COLGALT2: variants seen among roughly 807,000 people sequenced by gnomAD.
COLGALT2 encodes the protein procollagen galactosyltransferase 2.
COLGALT2 carries 49 observed loss-of-function variants against 73.4 expected under a neutral mutation model. That is an observed-to-expected ratio of 0.67 (90% CI 0.53 to 0.85). The LOEUF (loss-of-function observed/expected upper bound fraction) is 0.85, where lower values mean the gene tolerates loss of function less well. COLGALT2 is among the 40% of genes least tolerant of loss of function. The pLI is 0.00. For missense variants in COLGALT2, 722 were observed against 790.2 expected (o/e 0.91, Z 1.03); for synonymous variants, 295 against 307.6 (o/e 0.96, Z 0.43).
At chr1:183,949,346 A>G (rs1242079755) in intron 8 of COLGALT2, among the ~76,000 whole-genome samples, 2 of 152,242 alleles carry the variant, frequency 1.3e-5, no homozygotes, top group Non-Finnish European at 1.5e-5. Context: ...AGCTACAGTC[A>G]TCAAGACGGT....
intron 6 of COLGALT2, among the ~76,000 whole-genome samples, chr1:183,956,617 C>T (rs1670561679): frequency 6.6e-6 from 1 of 152,200 alleles, no homozygotes; most frequent in Non-Finnish European, 1.5e-5. Context: ...CCATTCTAGG[C>T]TGCTGGTCTC....
chr1:184,001,124 C>T lies in COLGALT2; in HGVS notation c.264-22604G>A, dbSNP rs189406515. On this transcript the variant is annotated intron_variant, in intron 1 of 11. Coordinates refer to ENST00000361927, the MANE Select transcript of COLGALT2 (RefSeq NM_015101.4). ...CTGGGATTACAGGCGTGAGCCACCA[C>T]GCCAGGCCTATTTCAGTCCTTTAAA... is the stretch of plus-strand genomic sequence containing the variant. Among the ~76,000 whole-genome samples the T allele has an allele frequency of 1.4e-4, 22 of 152,294 alleles. No homozygotes were observed. In the East Asian group the frequency reaches 3.9e-3, roughly 27 times the overall value.
downstream of COLGALT2, among the ~76,000 whole-genome samples, chr1:183,935,505 T>C (rs1217145000): frequency 6.6e-6 from 1 of 152,236 alleles, no homozygotes; most frequent in East Asian, 1.9e-4. Context: ...TGGACTGGTA[T>C]CACAGTATCT....
intron 2 of COLGALT2, among the ~76,000 whole-genome samples, chr1:183,977,933 G>A (rs909341257): frequency 2.6e-5 from 4 of 152,196 alleles, no homozygotes; most frequent in Middle Eastern, 3.4e-3. Flanking sequence ...ACCTAAATGA[G>A]CATCAGTAGG....
At chr1:183,994,238 C>T (rs1322599666) in intron 1 of COLGALT2, among the ~76,000 whole-genome samples, 1 of 151,620 alleles carries the variant, frequency 6.6e-6, no homozygotes, top group Non-Finnish European at 1.5e-5. Flanking sequence ...CAGGGTTTCA[C>T]CGTGTGAGCC....
chr1:183,935,226 T>C (rs1202170445), downstream of COLGALT2, among the ~76,000 whole-genome samples: 1 of 152,212 alleles, frequency 6.6e-6, no homozygotes, highest in East Asian at 1.9e-4. Context: ...ATTTTGTTCA[T>C]CTCTGAAATA....
At chr1:183,998,609 T>C (rs1316983733) in intron 1 of COLGALT2, among the ~76,000 whole-genome samples, 2 of 152,184 alleles carry the variant, frequency 1.3e-5, no homozygotes, top group Non-Finnish European at 2.9e-5. Flanking sequence ...TCAGAGTGCA[T>C]GAACAATCCT....
At chr1:183,965,151 C>G (rs570368577) in intron 5 of COLGALT2, among the ~76,000 whole-genome samples, 2 of 152,308 alleles carry the variant, frequency 1.3e-5, no homozygotes, top group Non-Finnish European at 2.9e-5. Flanking sequence ...TTGCCTTCAC[C>G]GAGCAAACTC....
At chr1:183,965,727 G>T (rs983888812) in intron 5 of COLGALT2, among the ~76,000 whole-genome samples, 6 of 152,074 alleles carry the variant, frequency 3.9e-5, no homozygotes, top group Non-Finnish European at 7.4e-5. Context: ...GATTAGTTTT[G>T]GATCATACTA....
At chr1:184,034,076 A>G (rs1649595048) in intron 1 of COLGALT2, among the ~76,000 whole-genome samples, 1 of 152,184 alleles carries the variant, frequency 6.6e-6, no homozygotes, top group Non-Finnish European at 1.5e-5. Context: ...AATCTGTAAC[A>G]TCCTAAACTG....
At chr1:183,930,577 T>TC in intron 11 of COLGALT2, among the ~76,000 whole-genome samples, 1 of 142,402 alleles carries the variant, frequency 7.0e-6, no homozygotes, top group East Asian at 2.0e-4. Flanking sequence ...TTCTTTTTTT[T>TC]TTTTTTTTTT....
chr1:183,965,367 G>A (rs773267454), intron 5 of COLGALT2, among the ~76,000 whole-genome samples: 13 of 152,190 alleles, frequency 8.5e-5, no homozygotes, highest in Non-Finnish European at 2.9e-5. Context: ...TCCATCAAGT[G>A]TGAGGGTACA....
At chr1:184,014,018 G>C (rs769610226) in intron 1 of COLGALT2, among the ~76,000 whole-genome samples, 2 of 152,164 alleles carry the variant, frequency 1.3e-5, no homozygotes, top group Non-Finnish European at 2.9e-5. Flanking sequence ...ATCAGTCTGA[G>C]ATATAAGTTA....
chr1:183,973,770 A>G lies in COLGALT2; in HGVS notation c.493-20T>C. The G allele has an allele frequency of 6.2e-7, 1 of 1,610,558 alleles. No homozygotes were observed. The highest frequency in any genetic ancestry group is 8.5e-7 in the Non-Finnish European group (1 of 1,177,894). On this transcript the variant is annotated intron_variant, in intron 3 of 11. Coordinates refer to ENST00000361927, the MANE Select transcript of COLGALT2 (RefSeq NM_015101.4). ...TATGAACTAGGAAAAGAAAAGGATAATGTTAGGTGAAAAGGTACTTTTCAG... is the reference window on the plus strand; with the variant it reads ...TATGAACTAGGAAAAGAAAAGGATAGTGTTAGGTGAAAAGGTACTTTTCAG...
intron 4 of COLGALT2, among the ~76,000 whole-genome samples, chr1:183,971,372 T>G (rs1671032128): frequency 6.6e-6 from 1 of 152,186 alleles, no homozygotes; most frequent in Admixed American, 6.5e-5. Flanking sequence ...TTAGTTTTAC[T>G]GTACAAAACA....
chr1:183,935,741 CT>C (rs1315525910), downstream of COLGALT2: 2 of 570,724 alleles, frequency 3.5e-6, no homozygotes, highest in East Asian at 1.4e-4. Context: ...ATGGTTCCCC[CT>C]GACTCTGACA....
At chr1:184,004,661 A>G (rs1346364997) in intron 1 of COLGALT2, among the ~76,000 whole-genome samples, 2 of 152,200 alleles carry the variant, frequency 1.3e-5, no homozygotes, top group African/African-American at 4.8e-5. Flanking sequence ...CCTGAGGGAC[A>G]ATGGCCCTTG....
chr1:183,933,760 A>G (rs867697188), downstream of COLGALT2, among the ~76,000 whole-genome samples: 2 of 152,190 alleles, frequency 1.3e-5, no homozygotes, highest in Middle Eastern at 3.2e-3. Flanking sequence ...GGGCAGAGCT[A>G]GTGCTCTGTG....
intron 1 of COLGALT2, 39 bp downstream of exon 1, chr1:184,037,056 G>C: frequency 7.0e-7 from 1 of 1,422,834 alleles, no homozygotes; most frequent in South Asian, 1.5e-5. Flanking sequence ...GGCCGCCCCC[G>C]CGTCCCGCCG....
Sources: allele counts gnomAD v4.1 joint callset (sites outside exome capture counted in the v4.1 genomes callset), GRCh38; gene constraint gnomAD v4.1.1; transcripts MANE v1.5; gene names NCBI Gene and HGNC (gene_info 2026-07-23, HGNC 2026-07-21).